Variants in CEP162 observed in about 807,000 individuals in gnomAD.
CEP162 encodes centrosomal protein 162, also known as centrosomal protein of 162 kDa.
Under a neutral mutation model 169.2 loss-of-function variants are expected in CEP162, and 141 were observed. The observed-to-expected ratio is 0.83, with a 90% CI of 0.73 to 0.96. The LOEUF (loss-of-function observed/expected upper bound fraction) is 0.96, where lower values mean the gene tolerates loss of function less well. CEP162 is among the 40% of genes least tolerant of loss of function. The pLI, the probability that CEP162 is intolerant of heterozygous loss-of-function variation, is 0.00. For missense variants in CEP162, 1,600 were observed against 1,587.2 expected, an observed-to-expected ratio of 1.01 and a Z score of -0.14; for synonymous variants, 540 against 526.4, an observed-to-expected ratio of 1.03 and a Z score of -0.35.
At position 84,185,342 on chromosome 6, in the gene CEP162, T is replaced by C. The variant is rs141691648; in HGVS notation, c.1508A>G (p.Gln503Arg). The C allele has an allele frequency of 9.4e-5, 151 of 1,613,726 alleles. No homozygotes were observed. In the African/African-American group the frequency reaches 1.6e-3, roughly 17 times the overall value. Residue 503 changes from glutamine (Q) to arginine (R), a missense_variant, in exon 13 of 27, where the codon CAG becomes CGG. Transcript: ENST00000403245. ...CCTAACTGACGCATATAATCCACTC[T>C]GGGGTTTCCTTTTAAGTAAAGGAGG... ...SAPPLLKRKP[Q>R]SGLYASVRSS...
At chr6:84,171,767 A>C in intron 16 of CEP162, 49 bp from the exon 17 acceptor site, 1 of 700,654 alleles carries the variant, frequency 1.4e-6, no homozygotes, top group Non-Finnish European at 2.3e-6. Flanking sequence ...ATTAGTACTT[A>C]TATAACATAA....
chr6:84,160,946 GC>G (rs1165754757), intron 20 of CEP162, 30 bp from the exon 21 acceptor site: 10 of 1,412,928 alleles, frequency 7.1e-6, no homozygotes, highest in African/African-American at 1.4e-5. Context: ...ATGTTAAGAA[GC>G]ATATGTAAAC....
chr6:84,179,537 T>G lies in CEP162; in HGVS notation c.1664-4190A>C, dbSNP rs552645686. 9.8e-4 allele frequency among the ~76,000 whole-genome samples: 150 copies of G among 152,306 alleles called. 1 individual carries two copies. The highest frequency in any genetic ancestry group is 3.4e-3 in the African/African-American group (141 of 41,572). Reference sequence around the variant, plus strand: ...TGGGGTTGTTTTTTTTCTTGTAAATTTGAGTTCTTTGTAGATTCTGGATAT... The same window carrying G: ...TGGGGTTGTTTTTTTTCTTGTAAATGTGAGTTCTTTGTAGATTCTGGATAT... On this transcript the variant is annotated intron_variant, in intron 13 of 26. Coordinates refer to ENST00000403245, the MANE Select transcript of CEP162 (RefSeq NM_014895.4).
chr6:84,173,458 T>C (rs1588790988), intron 16 of CEP162, among the ~76,000 whole-genome samples: 1 of 152,250 alleles, frequency 6.6e-6, no homozygotes, highest in Admixed American at 6.5e-5. Flanking sequence ...TATATATTAT[T>C]ATCCCCACTT....
chr6:84,161,013 A>G, intron 20 of CEP162, 97 bp from the exon 21 acceptor site: 3 of 821,996 alleles, frequency 3.6e-6, no homozygotes, highest in Non-Finnish European at 6.0e-6. Context: ...TACATTTATT[A>G]ATTCCTCAGC....
At chr6:84,163,365 A>G in intron 18 of CEP162, 95 bp from the exon 19 acceptor site, 1 of 882,086 alleles carries the variant, frequency 1.1e-6, no homozygotes, top group Non-Finnish European at 1.7e-6. Flanking sequence ...CACTACGGCA[A>G]AATATTTTCT....
intron 9 of CEP162, among the ~76,000 whole-genome samples, chr6:84,200,264 C>A (rs2099543946): frequency 1.3e-5 from 2 of 152,034 alleles, no homozygotes; most frequent in African/African-American, 4.8e-5. Context: ...CAAAACAAAA[C>A]AAAACAAAAA....
At position 84,221,153 on chromosome 6, in the gene CEP162, CA is replaced by C; in HGVS notation, c.75del (p.Phe25LeufsTer15). ...QFMKELSDDSFENSDKTARQS... is the reference protein window; with the variant it reads ...QFMKELSDDSXENSDKTARQS... Reference sequence around the variant, plus strand: ...TGTCTAGCTGTTTTGTCTGAATTTTCAAAAGAATCATCTGAAAGCTGAATTA... The same window carrying C: ...TGTCTAGCTGTTTTGTCTGAATTTTCAAAGAATCATCTGAAAGCTGAATTA... On this transcript the variant is annotated frameshift_variant, in exon 3 of 27. Coordinates refer to ENST00000403245, the MANE Select transcript of CEP162 (RefSeq NM_014895.4). LOFTEE classifies it high-confidence loss of function. 1.3e-6 allele frequency: 2 copies of C among 1,551,302 alleles called. No individual in the cohort carries two copies. Among genetic ancestry groups the C allele is most frequent in the Non-Finnish European group, 1.8e-6 (2 of 1,124,978 alleles).
intron 13 of CEP162, among the ~76,000 whole-genome samples, chr6:84,183,036 A>C (rs1378365147): frequency 6.6e-6 from 1 of 152,174 alleles, no homozygotes; most frequent in African/African-American, 2.4e-5. Context: ...GCAATTCTTC[A>C]ATAAAAAACA....
chr6:84,174,882 C>G lies in CEP162; in HGVS notation c.1870G>C (p.Asp624His). The G allele has an allele frequency of 1.9e-6, 3 of 1,568,716 alleles. No homozygotes were observed. The highest frequency in any genetic ancestry group is 2.6e-6 in the Non-Finnish European group (3 of 1,155,512). ...LMFKRVQEAEDKWRGAQALIE... is the reference protein window; with the variant it reads ...LMFKRVQEAEHKWRGAQALIE... The stretch of plus-strand genomic sequence containing the variant: ...AGGGCTTGCGCACCCCTCCATTTAT[C>G]CTCTGCTTCCTGAACTCTTTTAAAC... Residue 624 changes from aspartate (D) to histidine (H), a missense_variant, in exon 15 of 27, where the codon GAT (aspartate) becomes CAT (histidine). Asp to His is a moderately conservative substitution (Grantham distance 81). Coordinates refer to ENST00000403245, the MANE Select transcript of CEP162 (RefSeq NM_014895.4).
chr6:84,162,035 AT>A (rs2099525988), intron 19 of CEP162, 126 bp from the exon 20 acceptor site: 1 of 631,494 alleles, frequency 1.6e-6, no homozygotes. Flanking sequence ...AATAAGAAGC[AT>A]AAAACAACTG....
At chr6:84,139,824 AG>A (rs2099515788) in intron 25 of CEP162, among the ~76,000 whole-genome samples, 1 of 150,384 alleles carries the variant, frequency 6.6e-6, no homozygotes, top group African/African-American at 2.5e-5. Flanking sequence ...CTCCTTGAAA[AG>A]GTCATTGTTT....
At chr6:84,156,036 G>C (rs975728376) in intron 21 of CEP162, among the ~76,000 whole-genome samples, 1 of 151,940 alleles carries the variant, frequency 6.6e-6, no homozygotes, top group African/African-American at 2.4e-5. Context: ...TAGACACATA[G>C]ATCAATGGAA....
At chr6:84,162,746 C>A (rs1428899289) in intron 19 of CEP162, among the ~76,000 whole-genome samples, 2 of 152,110 alleles carry the variant, frequency 1.3e-5, no homozygotes, top group Non-Finnish European at 2.9e-5. Context: ...AGGGACCATG[C>A]CACATTTATC....
intron 26 of CEP162, 45 bp downstream of exon 26, chr6:84,126,333 T>A: frequency 1.4e-6 from 2 of 1,409,338 alleles, no homozygotes; most frequent in Non-Finnish European, 1.9e-6. Flanking sequence ...TAAAGGCACT[T>A]AAAAGTAAAG....
intron 18 of CEP162, among the ~76,000 whole-genome samples, chr6:84,168,274 C>G (rs931649303): frequency 6.6e-6 from 1 of 152,156 alleles, no homozygotes; most frequent in South Asian, 2.1e-4. Flanking sequence ...AGGGGTCGTC[C>G]AATAATTCAT....
rs2099550124 is a variant in CEP162 at position 84,213,026 on chromosome 6, T to C, written c.504-2A>G. The stretch of plus-strand genomic sequence containing the variant: ...GTTAGTTCTGCGTTGGCTTGATTAC[T>C]GGAAAAAATATTTATTTAATTTAGC... On this transcript the variant is annotated splice_acceptor_variant, in intron 5 of 26. Transcript: ENST00000403245. LOFTEE classifies it high-confidence loss of function. 1 of 1,520,746 alleles carries C rather than the reference T, an allele frequency of 6.6e-7. No homozygotes were observed. The highest frequency in any genetic ancestry group is 8.9e-7 in the Non-Finnish European group (1 of 1,121,374). The allele number at this position is 1,520,746 out of a possible 1,614,324, so 94.2% of individuals were successfully genotyped here.
intron 13 of CEP162, among the ~76,000 whole-genome samples, chr6:84,181,719 A>C (rs2099534905): frequency 1.3e-5 from 2 of 152,198 alleles, no homozygotes; most frequent in African/African-American, 4.8e-5. Flanking sequence ...AAGAGCATTC[A>C]GTCTCTTTAA....
intron 18 of CEP162, among the ~76,000 whole-genome samples, chr6:84,168,304 C>A (rs1230398530): frequency 6.6e-6 from 1 of 152,110 alleles, no homozygotes; most frequent in Non-Finnish European, 1.5e-5. Context: ...TACCTATCTG[C>A]CTTCCTACAT....
Sources: allele counts gnomAD v4.1 joint callset (sites outside exome capture counted in the v4.1 genomes callset), GRCh38; gene constraint gnomAD v4.1.1; transcripts MANE v1.5; gene names NCBI Gene and HGNC (gene_info 2026-07-23, HGNC 2026-07-21).